The following DROSHA variants were observed in gnomAD, a reference collection of about 807,000 sequenced individuals.
DROSHA encodes the protein drosha ribonuclease III.
Under a neutral mutation model 181.9 loss-of-function variants are expected in DROSHA, and 56 were observed. That is an observed-to-expected ratio of 0.31 (90% confidence interval 0.25 to 0.38). The LOEUF is 0.38. DROSHA is among the 10% of genes least tolerant of loss of function. DROSHA has a pLI of 1.00. For synonymous variants in DROSHA, 524 were observed against 591.2 expected, an observed-to-expected ratio of 0.89 and a Z score of 1.65; for missense variants, 1,218 against 1,743.5, an observed-to-expected ratio of 0.70 and a Z score of 5.37.
In DROSHA at chr5:31,449,653, G is replaced by C. The variant is rs189129026; in HGVS notation, c.2683-234C>G. Among the ~76,000 whole-genome samples, 405 of 152,250 alleles carry C rather than the reference G, an allele frequency of 2.7e-3. 1 individual carries two copies. The highest frequency in any genetic ancestry group is 9.2e-3 in the African/African-American group (382 of 41,554). On this transcript the variant is annotated intron_variant, in intron 21 of 35. Transcript: ENST00000344624. ...GAGGTGGGAGGATCACTTGAGCCCAGGAGGTCGAGGCTGCAGTGAGCTATG... is the reference window on the plus strand; with the variant it reads ...GAGGTGGGAGGATCACTTGAGCCCACGAGGTCGAGGCTGCAGTGAGCTATG...
intron 25 of DROSHA, among the ~76,000 whole-genome samples, chr5:31,432,586 T>C (rs1189315734): frequency 6.6e-6 from 1 of 152,214 alleles, no homozygotes; most frequent in African/African-American, 2.4e-5. Flanking sequence ...CATCTCTCTG[T>C]GGGTTCACTG....
At chr5:31,487,299 T>C (rs1751897128) in intron 13 of DROSHA, among the ~76,000 whole-genome samples, 1 of 152,098 alleles carries the variant, frequency 6.6e-6, no homozygotes, top group Non-Finnish European at 1.5e-5. Context: ...GCCACTAGAG[T>C]ATACCCCTCT....
At chr5:31,454,553 G>A (rs182099810) in intron 20 of DROSHA, among the ~76,000 whole-genome samples, 98 of 152,236 alleles carry the variant, frequency 6.4e-4, no homozygotes, top group African/African-American at 2.2e-3. Context: ...TAATTTTTAA[G>A]TTTCTTAAAC....
At chr5:31,432,354 A>C (rs986442334) in intron 25 of DROSHA, among the ~76,000 whole-genome samples, 2 of 151,394 alleles carry the variant, frequency 1.3e-5, no homozygotes, top group Non-Finnish European at 2.9e-5. Context: ...CTGGTCTCAA[A>C]CTCCTGACCT....
At chr5:31,414,111 C>A (rs559540801) in intron 30 of DROSHA, among the ~76,000 whole-genome samples, 1 of 152,098 alleles carries the variant, frequency 6.6e-6, no homozygotes, top group African/African-American at 2.4e-5. Context: ...GGGAGGAGAG[C>A]TGATGCAGTG....
At chr5:31,529,134 T>G in intron 3 of DROSHA, 29 bp from the exon 4 acceptor site, 1 of 1,565,306 alleles carries the variant, frequency 6.4e-7, no homozygotes, top group Non-Finnish European at 8.7e-7. Context: ...AAAACAGACA[T>G]AAACATGTTT....
intron 29 of DROSHA, chr5:31,421,934 A>AGTGTGTGTGTGTGTGTGTG (rs1742777758): frequency 9.0e-6 from 1 of 111,528 alleles, no homozygotes; most frequent in African/African-American, 4.0e-5. Context: ...GTGTGTGTGT[A>AGTGTGTGTGTGTGTGTGTG]TATAAATTAG....
chr5:31,492,136 G>A (rs926004306), intron 13 of DROSHA, among the ~76,000 whole-genome samples: 10 of 152,110 alleles, frequency 6.6e-5, no homozygotes, highest in African/African-American at 1.4e-4. Context: ...TGGTCCCCCC[G>A]AAGAAAAATG....
chr5:31,437,782 T>TCCTAC (rs1272489970), intron 23 of DROSHA, among the ~76,000 whole-genome samples: 2 of 152,088 alleles, frequency 1.3e-5, no homozygotes, highest in Non-Finnish European at 2.9e-5. Context: ...CATTACCCAC[T>TCCTAC]CCTACCCTAT....
intron 15 of DROSHA, among the ~76,000 whole-genome samples, chr5:31,484,234 C>T (rs1751423236): frequency 6.6e-6 from 1 of 151,702 alleles, no homozygotes; most frequent in South Asian, 2.1e-4. Context: ...ATTAGCCGGG[C>T]GTAGTGGTGG....
intron 12 of DROSHA, among the ~76,000 whole-genome samples, chr5:31,494,260 G>A (rs1302539945): frequency 6.6e-6 from 1 of 152,034 alleles, no homozygotes; most frequent in Admixed American, 6.6e-5. Flanking sequence ...GAGCCACCAG[G>A]CCCAGCCATT....
intron 35 of DROSHA, among the ~76,000 whole-genome samples, chr5:31,401,888 C>CT (rs1384247683): frequency 6.6e-6 from 1 of 152,152 alleles, no homozygotes; most frequent in Non-Finnish European, 1.5e-5. Flanking sequence ...TTTAGCATCA[C>CT]TCTCCTAGCA....
intron 17 of DROSHA, among the ~76,000 whole-genome samples, chr5:31,469,704 A>ACAGT (rs1561211021): frequency 6.6e-6 from 1 of 151,676 alleles, no homozygotes; most frequent in Non-Finnish European, 1.5e-5. Context: ...TAAAATATCT[A>ACAGT]TAGTATCTCT....
chr5:31,434,823 CTA>C (rs1209053120), intron 25 of DROSHA, among the ~76,000 whole-genome samples: 4 of 152,180 alleles, frequency 2.6e-5, no homozygotes, highest in Admixed American at 6.5e-5. Context: ...ATTCTGCCTA[CTA>C]TTAAATAAAC....
intron 14 of DROSHA, 58 bp downstream of exon 14, chr5:31,486,432 TA>T: frequency 6.5e-7 from 1 of 1,540,682 alleles, no homozygotes; most frequent in Non-Finnish European, 8.9e-7. Context: ...TTTAAAATAG[TA>T]GTATGGAACA....
chr5:31,429,693 C>T, intron 26 of DROSHA, 148 bp from the exon 27 acceptor site: 1 of 597,092 alleles, frequency 1.7e-6, no homozygotes. Context: ...TTAAAGGTGA[C>T]ATTTCCCCTT....
chr5:31,515,808 CT>C (rs1346159066), intron 6 of DROSHA, among the ~76,000 whole-genome samples: 8 of 152,138 alleles, frequency 5.3e-5, no homozygotes, highest in African/African-American at 1.9e-4. Context: ...GGCATTACTA[CT>C]TGGTGAACCA....
rs2150056937 is a variant in DROSHA, at chr5:31,515,117, G to C, written c.1161C>G (p.Ile387Met). ...SSGKDKNYTS[I>M]KEKEPEETMP... ...TGGTCTCCTCGGGCTCTTTTTCCTTGATTGAGGTATAGTTCTTGTCTTTGC... is the reference window on the plus strand; with the variant it reads ...TGGTCTCCTCGGGCTCTTTTTCCTTCATTGAGGTATAGTTCTTGTCTTTGC... Residue 387 changes from isoleucine (I) to methionine (M), a missense_variant, in exon 8 of 36, where the codon ATC becomes ATG. Physicochemically the swap from Ile to Met is conservative, Grantham distance 10. Transcript: ENST00000344624. 1.9e-6 allele frequency: 3 copies of C among 1,613,926 alleles called. No individual in the cohort carries two copies. The South Asian group carries it at 3.3e-5, about 18-fold the overall frequency.
At chr5:31,450,314 T>C (rs1421618646) in intron 21 of DROSHA, among the ~76,000 whole-genome samples, 2 of 152,168 alleles carry the variant, frequency 1.3e-5, no homozygotes, top group Non-Finnish European at 2.9e-5. Context: ...CTTGATTCGG[T>C]CCTCCCACTA....
Sources: gnomAD v4.1 joint callset for allele counts (sites outside exome capture counted in the v4.1 genomes callset) on GRCh38, gnomAD v4.1.1 for gene constraint, MANE v1.5 for transcripts, NCBI Gene and HGNC (gene_info 2026-07-23, HGNC 2026-07-21) for gene names.